PTPRS: variants seen among roughly 807,000 people sequenced by gnomAD.
PTPRS encodes the protein receptor-type tyrosine-protein phosphatase S.
In PTPRS, 63 loss-of-function variants were observed where a neutral mutation model predicts 215.3. That is an observed-to-expected ratio of 0.29 (90% CI 0.24 to 0.36). PTPRS has a LOEUF of 0.36. PTPRS is among the 10% of genes least tolerant of loss of function. The pLI is 1.00. For synonymous variants in PTPRS, 1,404 were observed against 1,191.4 expected (o/e 1.18, Z -3.68); for missense variants, 2,258 against 2,825.8 (o/e 0.80, Z 4.56).
chr19:5,238,878 G>C, intron 13 of PTPRS, 41 bp downstream of exon 13: 1 of 1,539,096 alleles, frequency 6.5e-7, no homozygotes, highest in African/African-American at 1.4e-5. Flanking sequence ...GTCAGGCCGT[G>C]GTCCCTCCCG....
intron 13 of PTPRS, among the ~76,000 whole-genome samples, chr19:5,233,348 T>C (rs1599563968): frequency 6.8e-6 from 1 of 148,128 alleles, no homozygotes; most frequent in East Asian, 2.0e-4. Context: ...GGAATGGCAA[T>C]AGAAGCTCCA....
At chr19:5,219,208 C>T (rs2041757498) in intron 23 of PTPRS, 102 bp downstream of exon 23, 1 of 1,486,890 alleles carries the variant, frequency 6.7e-7, no homozygotes, top group East Asian at 2.3e-5. Flanking sequence ...CCCATGTGTA[C>T]AACAGAGACC....
intron 17 of PTPRS, among the ~76,000 whole-genome samples, chr19:5,225,359 G>A (rs1407773539): frequency 1.3e-5 from 2 of 152,184 alleles, no homozygotes; most frequent in Admixed American, 6.5e-5. Context: ...TCCAGGGCCA[G>A]GTGTACCTTG....
intron 1 of PTPRS, among the ~76,000 whole-genome samples, chr19:5,329,104 C>T (rs113019745): frequency 0.026 from 3,990 of 152,024 alleles, 189 homozygotes; most frequent in African/African-American, 0.091. Flanking sequence ...AAACGGGGTG[C>T]GGGAGGCAAT....
At position 5,231,544 on chromosome 19, in the gene PTPRS, G is replaced by A. The variant is rs994725876; in HGVS notation, c.1921C>T (p.Pro641Ser). 7 of 1,609,918 alleles carry A rather than the reference G, an allele frequency of 4.3e-6. No individual in the cohort carries two copies. Among genetic ancestry groups the A allele is most frequent in the Non-Finnish European group, 4.2e-6 (5 of 1,179,348 alleles). The change falls in exon 14 of 38, where the codon CCG becomes TCG. Residue 641 changes from proline (P) to serine (S), a missense_variant. Transcript: ENST00000262963. ...CCGTTGTGCGTTTCCGGCGGCGGCG[G>A]GCGCCAACTTACCAAAATGGCCGTG... ...RSTAILVSWR[P>S]PPPETHNGAL...
At chr19:5,276,550 G>A (rs12973280) in intron 2 of PTPRS, among the ~76,000 whole-genome samples, 1 of 142,594 alleles carries the variant, frequency 7.0e-6, no homozygotes, top group African/African-American at 2.6e-5. Flanking sequence ...TTTTGTTTTT[G>A]TTTTTTTTGA....
chr19:5,334,502 C>A (rs1194660860), intron 1 of PTPRS, among the ~76,000 whole-genome samples: 1 of 152,192 alleles, frequency 6.6e-6, no homozygotes, highest in Non-Finnish European at 1.5e-5. Context: ...GGTTGAGCAA[C>A]TTGCCCCAGG....
rs533353182 is a variant in PTPRS at position 5,233,853 on chromosome 19, G to T, written c.1850-2238C>A. ...CCCAGCTACTCGGGAGGCTGAGGCA[G>T]GAGAATCACTTGAACCTGGGAGGCG... On this transcript the variant is annotated intron_variant, in intron 13 of 37. Coordinates refer to ENST00000262963, the MANE Select transcript of PTPRS (RefSeq NM_002850.4). 1.5e-4 allele frequency among the ~76,000 whole-genome samples: 22 copies of T among 142,200 alleles called. No individual in the cohort carries two copies. In the East Asian group the frequency reaches 4.3e-3, roughly 28 times the overall value. 93.3% of individuals were successfully genotyped at this position (142,200 alleles called of 152,430 possible). A position where few individuals can be genotyped will look rare whatever the true frequency, so the allele number is the denominator to read the frequency against.
At position 5,244,978 on chromosome 19, in the gene PTPRS, TTTTTC is replaced by T. The variant is rs1323663194; in HGVS notation, c.989-501_989-497del. Among the ~76,000 whole-genome samples, 1 of 140,428 alleles carries T rather than the reference TTTTTC, an allele frequency of 7.1e-6. No homozygotes were observed. The highest frequency in any genetic ancestry group is 2.1e-4 in the East Asian group (1 of 4,810). 92.1% of individuals were successfully genotyped at this position (140,428 alleles called of 152,430 possible). On this transcript the variant is annotated intron_variant, in intron 10 of 37. Transcript: ENST00000262963. The surrounding 1 kb of genome is among the most constrained non-coding windows in gnomAD (Gnocchi z 7.2). ...CCACCGCACCCGGCCTTTTTTTTCT[TTTTTC>T]TTTTTTTTTTTTTTTAGACGGAGCC...
rs1203534152 is a variant in PTPRS, at chr19:5,294,816, A to C, written c.-94-8582T>G. 6.6e-6 allele frequency: 1 copy of C among 152,278 alleles called. No individual in the cohort carries two copies. Among genetic ancestry groups the C allele is most frequent in the Non-Finnish European group, 1.5e-5 (1 of 68,084 alleles). The allele number at this position is 152,278 out of a possible 1,614,324, so 9.4% of individuals were successfully genotyped here. A position where few individuals can be genotyped will look rare whatever the true frequency, so the allele number is the denominator to read the frequency against. On this transcript the variant is annotated intron_variant, in intron 1 of 37. Coordinates refer to ENST00000262963, the MANE Select transcript of PTPRS (RefSeq NM_002850.4). This position sits in a 1 kb window ranked among gnomAD's most constrained non-coding sequence, Gnocchi z 5.1. ...CAGTAGGTGGTCTGTGAGTGTCTGC[A>C]CACAGGCTCCCTGCCTGCCCCTTTG... is the stretch of plus-strand genomic sequence containing the variant.
chr19:5,328,231 C>T (rs541996020), intron 1 of PTPRS, among the ~76,000 whole-genome samples: 1 of 152,266 alleles, frequency 6.6e-6, no homozygotes, highest in East Asian at 1.9e-4. Context: ...ATTCTCCTGA[C>T]TTAACCTCCT....
rs139519201 is a variant in PTPRS, at chr19:5,208,047, C to T, written c.5653G>A (p.Gly1885Ser). 4 of 1,612,388 alleles carry T rather than the reference C, an allele frequency of 2.5e-6. No individual in the cohort carries two copies. Among genetic ancestry groups the T allele is most frequent in the Non-Finnish European group, 3.4e-6 (4 of 1,179,078 alleles). The change falls in exon 37 of 38, where the codon GGC becomes AGC. Residue 1885 changes from glycine (G) to serine (S), a missense_variant. Transcript: ENST00000262963. ...AGCGTGATGAAGACGCCCGTCCTGCCCACGCCGGCACTGGTGGCAGTAAAG... is the reference window on the plus strand; with the variant it reads ...AGCGTGATGAAGACGCCCGTCCTGCTCACGCCGGCACTGGTGGCAGTAAAG... ...PISVHCSAGVGRTGVFITLSI... is the reference protein window; with the variant it reads ...PISVHCSAGVSRTGVFITLSI...
At chr19:5,329,504 G>A (rs1345597379) in intron 1 of PTPRS, among the ~76,000 whole-genome samples, 6 of 152,150 alleles carry the variant, frequency 3.9e-5, no homozygotes, top group Non-Finnish European at 7.4e-5. Context: ...AGTGGCTCAC[G>A]CCTGGAATCC....
At chr19:5,248,471 G>A (rs976089459) in intron 9 of PTPRS, among the ~76,000 whole-genome samples, 2 of 151,760 alleles carry the variant, frequency 1.3e-5, no homozygotes, top group African/African-American at 4.8e-5. Flanking sequence ...CCAGGGAGAC[G>A]CCCTCCCCCT....
At chr19:5,319,153 T>A (rs2049958499) in intron 1 of PTPRS, among the ~76,000 whole-genome samples, 1 of 152,174 alleles carries the variant, frequency 6.6e-6, no homozygotes, top group Admixed American at 6.6e-5. Context: ...GGCTCACATC[T>A]GGGATCCCAG....
intron 25 of PTPRS, among the ~76,000 whole-genome samples, chr19:5,217,264 A>G (rs1174272856): frequency 6.6e-6 from 1 of 152,276 alleles, no homozygotes; most frequent in African/African-American, 2.4e-5. Context: ...AGAGACAGAA[A>G]TGAGATGGGA....
chr19:5,252,691 T>C (rs1167761310), intron 9 of PTPRS, among the ~76,000 whole-genome samples: 1 of 149,278 alleles, frequency 6.7e-6, no homozygotes, highest in African/African-American at 2.5e-5. Flanking sequence ...CTGGCCAACA[T>C]GGCAAAACCC....
At chr19:5,305,179 G>A (rs1445606992) in intron 1 of PTPRS, among the ~76,000 whole-genome samples, 1 of 152,212 alleles carries the variant, frequency 6.6e-6, no homozygotes, top group African/African-American at 2.4e-5. Context: ...TACAGCAGGT[G>A]CTCAGTGAGC....
chr19:5,332,857 A>G (rs1180159254), intron 1 of PTPRS, among the ~76,000 whole-genome samples: 10 of 152,230 alleles, frequency 6.6e-5, no homozygotes, highest in Non-Finnish European at 1.5e-4. Context: ...CACATCTAAA[A>G]AATGCAATTT....
Sources: gnomAD v4.1 joint callset for allele counts (sites outside exome capture counted in the v4.1 genomes callset) on GRCh38, gnomAD v4.1.1 for gene constraint, Gnocchi (gnomAD v3.1) non-coding constraint, MANE v1.5 for transcripts, NCBI Gene and HGNC (gene_info 2026-07-23, HGNC 2026-07-21) for gene names.